Variants in RABGAP1L observed in about 807,000 individuals in gnomAD.
RABGAP1L encodes the protein rab GTPase-activating protein 1-like.
A neutral mutation model predicts 137.7 loss-of-function variants in RABGAP1L; 63 were observed. The observed-to-expected ratio is 0.46, with a 90% CI of 0.37 to 0.56. The LOEUF (loss-of-function observed/expected upper bound fraction) is 0.56. RABGAP1L is among the 20% of genes least tolerant of loss of function. The pLI is 0.00. For missense variants in RABGAP1L, 1,095 were observed against 1,244.0 expected (o/e 0.88, Z 1.80); for synonymous variants, 431 against 433.7 (o/e 0.99, Z 0.08).
intron 19 of RABGAP1L, among the ~76,000 whole-genome samples, chr1:174,825,564 G>A (rs1020356187): frequency 3.4e-4 from 52 of 152,184 alleles, no homozygotes; most frequent in Non-Finnish European, 8.8e-5. Flanking sequence ...ACACTGGAAG[G>A]ATTCTTTACT....
intron 20 of RABGAP1L, among the ~76,000 whole-genome samples, chr1:174,964,314 A>G (rs1574026819): frequency 1.3e-5 from 2 of 152,186 alleles, no homozygotes; most frequent in East Asian, 3.8e-4. Context: ...GACAACACCC[A>G]AAATATTGAG....
At chr1:174,858,122 C>T (rs1247681720) in intron 19 of RABGAP1L, among the ~76,000 whole-genome samples, 3 of 152,120 alleles carry the variant, frequency 2.0e-5, no homozygotes, top group African/African-American at 7.2e-5. Flanking sequence ...AGATGATCCT[C>T]CTACCTCAGC....
At chr1:174,366,316 T>C (rs1684604120) in intron 11 of RABGAP1L, among the ~76,000 whole-genome samples, 1 of 152,222 alleles carries the variant, frequency 6.6e-6, no homozygotes, top group African/African-American at 2.4e-5. Context: ...AAGTTACTAC[T>C]TCCTCTTATG....
At chr1:174,570,922 A>G (rs1667928424) in intron 13 of RABGAP1L, among the ~76,000 whole-genome samples, 1 of 152,234 alleles carries the variant, frequency 6.6e-6, no homozygotes, top group Non-Finnish European at 1.5e-5. Flanking sequence ...TGCTGGGTAT[A>G]TACCCAAAAG....
Position 174,716,427 on chromosome 1 carries a change from A to G in RABGAP1L, c.2169+14171A>G, listed in dbSNP as rs577089529. Among the ~76,000 whole-genome samples the G allele has an allele frequency of 2.0e-5, 3 of 152,298 alleles. No individual in the cohort carries two copies. In the South Asian group the frequency reaches 6.2e-4, roughly 32 times the overall value. ...CTCCCAAGTAGCTGGGACTGCAGGT[A>G]TGCGCCACTGTACCCAGCTGTTTGG... On this transcript the variant is annotated intron_variant, in intron 17 of 25. Transcript: ENST00000681986.
At chr1:174,687,505 C>G (rs1366348056) in intron 15 of RABGAP1L, among the ~76,000 whole-genome samples, 1 of 152,080 alleles carries the variant, frequency 6.6e-6, no homozygotes, top group African/African-American at 2.4e-5. Context: ...TAGCATATTC[C>G]ATTAACTGAC....
At chr1:174,190,589 A>ATGGT (rs1175041696) in intron 1 of RABGAP1L, among the ~76,000 whole-genome samples, 7 of 152,202 alleles carry the variant, frequency 4.6e-5, no homozygotes, top group Non-Finnish European at 1.0e-4. Flanking sequence ...GCTTAAGACA[A>ATGGT]TGGTTGGTTG....
At chr1:174,427,082 A>G (rs1487259453) in intron 13 of RABGAP1L, among the ~76,000 whole-genome samples, 1 of 152,038 alleles carries the variant, frequency 6.6e-6, no homozygotes, top group Non-Finnish European at 1.5e-5. Flanking sequence ...TAACAGTAAC[A>G]TTTAACCTCT....
chr1:174,947,225 T>TC (rs1667028408), intron 19 of RABGAP1L, among the ~76,000 whole-genome samples: 2 of 115,966 alleles, frequency 1.7e-5, no homozygotes, highest in Non-Finnish European at 3.2e-5. Context: ...TTTTTTTTTT[T>TC]CAGACAGTTT....
intron 13 of RABGAP1L, among the ~76,000 whole-genome samples, chr1:174,586,161 TG>T (rs1183344030): frequency 1.3e-5 from 2 of 152,146 alleles, no homozygotes; most frequent in African/African-American, 4.8e-5. Flanking sequence ...AAAGAAAATG[TG>T]ATACATATAC....
intron 7 of RABGAP1L, among the ~76,000 whole-genome samples, chr1:174,260,693 C>A (rs1673508505): frequency 6.6e-6 from 1 of 152,150 alleles, no homozygotes; most frequent in African/African-American, 2.4e-5. Flanking sequence ...CAAAAGATTT[C>A]TTGCATACTA....
intron 15 of RABGAP1L, 36 bp downstream of exon 15, chr1:174,683,632 T>C (rs1316364109): frequency 1.3e-6 from 2 of 1,494,804 alleles, no homozygotes; most frequent in East Asian, 2.3e-5. Context: ...AGCACAGTGC[T>C]GCCAAGTTTA....
chr1:174,795,651 G>A (rs1026421556), intron 18 of RABGAP1L, among the ~76,000 whole-genome samples: 1 of 152,112 alleles, frequency 6.6e-6, no homozygotes, highest in African/African-American at 2.4e-5. Context: ...TTGCAGCCTT[G>A]GCTTTCCAGG....
chr1:174,866,590 C>T (rs999097095), intron 19 of RABGAP1L, among the ~76,000 whole-genome samples: 14 of 152,106 alleles, frequency 9.2e-5, no homozygotes, highest in Admixed American at 6.6e-5. Flanking sequence ...CTTCTTTCTC[C>T]TCATATTTGC....
intron 13 of RABGAP1L, among the ~76,000 whole-genome samples, chr1:174,444,423 C>T (rs761014877): frequency 2.2e-4 from 33 of 151,968 alleles, no homozygotes. Context: ...GTGTCCATGT[C>T]TGCTTTTGGT....
At chr1:174,568,561 CT>C (rs1346577746) in intron 13 of RABGAP1L, among the ~76,000 whole-genome samples, 1 of 152,070 alleles carries the variant, frequency 6.6e-6, no homozygotes, top group African/African-American at 2.4e-5. Flanking sequence ...TGGGTGACAC[CT>C]TTGGAAAGGT....
chr1:174,956,946 G>A (rs574225661), intron 19 of RABGAP1L, among the ~76,000 whole-genome samples: 1 of 151,884 alleles, frequency 6.6e-6, no homozygotes, highest in Admixed American at 6.6e-5. Context: ...CCACGCCCAG[G>A]CCATTTTAGA....
intron 13 of RABGAP1L, among the ~76,000 whole-genome samples, chr1:174,451,961 G>T (rs536144457): frequency 3.9e-5 from 6 of 152,146 alleles, no homozygotes; most frequent in Admixed American, 6.5e-5. Flanking sequence ...GAAAAGAAAG[G>T]CTTTATCATA....
intron 13 of RABGAP1L, among the ~76,000 whole-genome samples, chr1:174,467,640 T>C (rs1462250151): frequency 6.6e-6 from 1 of 152,194 alleles, no homozygotes; most frequent in Non-Finnish European, 1.5e-5. Context: ...ATATGTTTAA[T>C]CCTTTTAGCA....
Sources: allele counts gnomAD v4.1 joint callset (sites outside exome capture counted in the v4.1 genomes callset), GRCh38; gene constraint gnomAD v4.1.1; transcripts MANE v1.5; gene names NCBI Gene and HGNC (gene_info 2026-07-23, HGNC 2026-07-21).